Variants in CNTN4 observed in about 807,000 individuals in gnomAD.
The protein encoded by CNTN4 is contactin-4.
A neutral mutation model predicts 122.5 loss-of-function variants in CNTN4; 77 were observed. The ratio of observed to expected loss-of-function variants is 0.63; its 90% CI spans 0.52 to 0.76. CNTN4 has a LOEUF of 0.76. Ranked by LOEUF, CNTN4 falls within the 30% of genes least tolerant of loss-of-function variation. CNTN4 has a pLI of 0.00. For synonymous variants in CNTN4, 512 were observed against 447.0 expected, an observed-to-expected ratio of 1.15 and a Z score of -1.83; for missense variants, 1,256 against 1,259.1, an observed-to-expected ratio of 1.00 and a Z score of 0.04.
intron 3 of CNTN4, among the ~76,000 whole-genome samples, chr3:2,418,153 A>T (rs978328933): frequency 2.6e-5 from 4 of 152,148 alleles, no homozygotes; most frequent in Admixed American, 2.6e-4. Context: ...GGTGATAATG[A>T]TATGTCAATG....
intron 4 of CNTN4, among the ~76,000 whole-genome samples, chr3:2,701,028 C>T (rs748728727): frequency 1.1e-4 from 16 of 152,154 alleles, no homozygotes; most frequent in Non-Finnish European, 2.1e-4. Flanking sequence ...ATGCTTCACA[C>T]CAGTGTTTTC....
rs10664705 is a variant in CNTN4, at chr3:2,347,410, C to CTT, written c.-89+8194_-89+8195dup. 2.6e-3 allele frequency among the ~76,000 whole-genome samples: 292 copies of CTT among 113,122 alleles called. 16 individuals are homozygous for CTT. The highest frequency in any genetic ancestry group is 7.6e-3 in the African/African-American group (228 of 30,068). 74.2% of individuals were successfully genotyped at this position (113,122 alleles called of 152,430 possible). A position where few individuals can be genotyped will look rare whatever the true frequency, so the allele number is the denominator to read the frequency against. The stretch of plus-strand genomic sequence containing the variant: ...TCCAAAGGCTATAAGGAAATACAAT[C>CTT]TTTTTTTTTTTTTTTTTTGGAGACA... On this transcript the variant is annotated intron_variant, in intron 3 of 24. Transcript: ENST00000418658.
chr3:2,219,807 C>G (rs766705117), intron 2 of CNTN4, among the ~76,000 whole-genome samples: 1 of 151,854 alleles, frequency 6.6e-6, no homozygotes, highest in Non-Finnish European at 1.5e-5. Context: ...ATCAAATGTT[C>G]CCAGCAAAAG....
chr3:2,159,067 C>G (rs891138118), intron 2 of CNTN4, among the ~76,000 whole-genome samples: 1 of 152,082 alleles, frequency 6.6e-6, no homozygotes, highest in Admixed American at 6.5e-5. Flanking sequence ...AGGCTCAGAA[C>G]AAGTCAGACC....
At chr3:2,378,284 G>T (rs1393486) in intron 3 of CNTN4, among the ~76,000 whole-genome samples, 1 of 151,970 alleles carries the variant, frequency 6.6e-6, no homozygotes, top group Non-Finnish European at 1.5e-5. Flanking sequence ...TGCTGTTTCA[G>T]TATGGGCCTT....
chr3:2,574,622 C>T (rs2079577848), intron 4 of CNTN4, among the ~76,000 whole-genome samples: 1 of 152,078 alleles, frequency 6.6e-6, no homozygotes, highest in African/African-American at 2.4e-5. Flanking sequence ...TGAAAATTGG[C>T]TTCATTATTC....
intron 3 of CNTN4, among the ~76,000 whole-genome samples, chr3:2,394,427 T>A (rs1440788597): frequency 6.6e-6 from 1 of 152,162 alleles, no homozygotes; most frequent in Admixed American, 6.5e-5. Context: ...TAACAGTTAA[T>A]GAAAACTGAG....
chr3:2,192,961 A>G (rs972095310), intron 2 of CNTN4, among the ~76,000 whole-genome samples: 1 of 152,182 alleles, frequency 6.6e-6, no homozygotes, highest in African/African-American at 2.4e-5. Context: ...CAGCTTCACT[A>G]TTAAGATGAC....
At chr3:2,659,670 GGCTTTCTACATACC>G (rs1342341442) in intron 4 of CNTN4, among the ~76,000 whole-genome samples, 1 of 151,760 alleles carries the variant, frequency 6.6e-6, no homozygotes, top group Non-Finnish European at 1.5e-5. Flanking sequence ...TATTTGACTT[GGCTTTCTACATACC>G]AGATGGTCAC....
rs1286212564 is a variant in CNTN4 at position 2,900,596 on chromosome 3, G to A, written c.941-89G>A. The A allele has an allele frequency of 3.6e-6, 5 of 1,392,748 alleles. No homozygotes were observed. The African/African-American group carries it at 4.3e-5, about 12-fold the overall frequency. The allele number at this position is 1,392,748 out of a possible 1,614,324, so 86.3% of individuals were successfully genotyped here. On this transcript the variant is annotated intron_variant, in intron 10 of 24. Transcript: ENST00000418658. The stretch of plus-strand genomic sequence containing the variant: ...ATCTGGAAAAGGAATTTTATTATAA[G>A]TGTACTTTTGCCCTTTGATTGAATA...
chr3:2,866,419 A>C (rs956765969), intron 7 of CNTN4: 2 of 1,127,184 alleles, frequency 1.8e-6, no homozygotes, highest in South Asian at 4.8e-5. Context: ...TGGGTCTGTA[A>C]TTTGAGCATT....
chr3:2,482,121 A>T (rs1255372190), intron 3 of CNTN4, among the ~76,000 whole-genome samples: 1 of 152,158 alleles, frequency 6.6e-6, no homozygotes, highest in Non-Finnish European at 1.5e-5. Flanking sequence ...GATACGAGAA[A>T]ATTTGGAACT....
chr3:2,715,605 A>T (rs920454470), intron 4 of CNTN4, among the ~76,000 whole-genome samples: 1 of 152,156 alleles, frequency 6.6e-6, no homozygotes, highest in Non-Finnish European at 1.5e-5. Flanking sequence ...AAATACCATA[A>T]ACTGGGTAGT....
chr3:2,507,889 A>G (rs1303776605), intron 3 of CNTN4, among the ~76,000 whole-genome samples: 4 of 151,940 alleles, frequency 2.6e-5, no homozygotes, highest in Admixed American at 2.0e-4. Flanking sequence ...CCCTCTCCAC[A>G]CACACACCCC....
At chr3:2,624,854 G>A (rs139228231) in intron 4 of CNTN4, among the ~76,000 whole-genome samples, 48 of 151,738 alleles carry the variant, frequency 3.2e-4, no homozygotes, top group African/African-American at 8.2e-4. Context: ...GGCTGGTCTC[G>A]AACTCCTGGC....
intron 2 of CNTN4, among the ~76,000 whole-genome samples, chr3:2,211,916 T>A (rs1161281688): frequency 3.3e-5 from 5 of 152,218 alleles, no homozygotes; most frequent in Non-Finnish European, 7.3e-5. Context: ...TGTTGTCATT[T>A]TTGCATTTAG....
At chr3:2,134,389 G>T (rs1388239329) in intron 2 of CNTN4, among the ~76,000 whole-genome samples, 1 of 152,212 alleles carries the variant, frequency 6.6e-6, no homozygotes, top group Non-Finnish European at 1.5e-5. Context: ...AAGAGAGGCA[G>T]ACAGGTTGAT....
chr3:2,136,197 A>T (rs2034683151), intron 2 of CNTN4, among the ~76,000 whole-genome samples: 1 of 152,214 alleles, frequency 6.6e-6, no homozygotes, highest in Non-Finnish European at 1.5e-5. Context: ...TACTATAGAA[A>T]GGGACTTTTT....
rs1434823922 is a variant in CNTN4 at position 3,024,326 on chromosome 3, TG to T, written c.1487-1772del. Reference sequence around the variant, plus strand: ...CGTCAAATGACATGTTAAGTCAAAATGGGGCTATTCCTTGATGTTTGCTTAG... The same window carrying T: ...CGTCAAATGACATGTTAAGTCAAAATGGGCTATTCCTTGATGTTTGCTTAG... On this transcript the variant is annotated intron_variant, in intron 14 of 24. Coordinates refer to ENST00000418658, the MANE Select transcript of CNTN4 (RefSeq NM_175607.3). Among the ~76,000 whole-genome samples the T allele has an allele frequency of 2.7e-5, 4 of 146,498 alleles. No homozygotes were observed. In the Admixed American group the frequency reaches 2.8e-4, roughly 10 times the overall value.
Sources: allele counts gnomAD v4.1 joint callset (sites outside exome capture counted in the v4.1 genomes callset), GRCh38; gene constraint gnomAD v4.1.1; transcripts MANE v1.5; gene names NCBI Gene and HGNC (gene_info 2026-07-23, HGNC 2026-07-21).